LEO1: variants seen among roughly 807,000 people sequenced by gnomAD.
LEO1 encodes RNA polymerase-associated protein LEO1.
LEO1 carries 34 observed loss-of-function variants against 80.4 expected under a neutral mutation model. That is an observed-to-expected ratio of 0.42 (90% CI 0.32 to 0.56). The LOEUF is 0.56. LEO1 is among the 20% of genes least tolerant of loss of function. LEO1 has a pLI of 0.10. For missense variants in LEO1, 631 were observed against 814.2 expected, an observed-to-expected ratio of 0.77 and a Z score of 2.74; for synonymous variants, 262 against 274.9, an observed-to-expected ratio of 0.95 and a Z score of 0.46.
At chr15:51,964,617 G>A (rs1181581218) in intron 2 of LEO1, among the ~76,000 whole-genome samples, 2 of 150,938 alleles carry the variant, frequency 1.3e-5, no homozygotes, top group Non-Finnish European at 2.9e-5. Context: ...AGTCTACACA[G>A]ATCTATATTC....
chr15:51,943,845 G>C (rs2056877693), intron 11 of LEO1, among the ~76,000 whole-genome samples: 1 of 148,960 alleles, frequency 6.7e-6, no homozygotes, highest in Non-Finnish European at 1.5e-5. Context: ...AATGAAATGT[G>C]ACCAGAACAG....
At position 51,953,233 on chromosome 15, in the gene LEO1, A is replaced by T. The variant is rs772735405; in HGVS notation, c.1371T>A (p.Phe457Leu). Reference protein sequence around the residue: ...SMSLHLGNEVFDVYKAPLQGD... With the variant: ...SMSLHLGNEVLDVYKAPLQGD... ...CCTGCAGTGGGGCTTTGTACACATC[A>T]AACACTTCATTGCCTAAATGCAGGG... is the stretch of plus-strand genomic sequence containing the variant. Residue 457 changes from phenylalanine (F) to leucine (L), a missense_variant, in exon 8 of 12, where the codon TTT (phenylalanine) becomes TTA (leucine). By Grantham distance (22) the Phe-to-Leu change is conservative. Coordinates refer to ENST00000299601, the MANE Select transcript of LEO1 (RefSeq NM_138792.4). 4 of 1,614,022 alleles carry T rather than the reference A, an allele frequency of 2.5e-6. No homozygotes were observed. The highest frequency in any genetic ancestry group is 3.4e-6 in the Non-Finnish European group (4 of 1,179,970).
intron 2 of LEO1, 119 bp from the exon 3 acceptor site, chr15:51,962,612 G>A (rs764842322): frequency 7.6e-6 from 5 of 655,656 alleles, no homozygotes; most frequent in Non-Finnish European, 1.0e-5. Context: ...CAGCAATAAA[G>A]AGGAATGAAC....
intron 8 of LEO1, 115 bp from the exon 9 acceptor site, chr15:51,952,094 A>T: frequency 1.2e-6 from 1 of 845,922 alleles, no homozygotes; most frequent in Non-Finnish European, 1.8e-6. Flanking sequence ...ACCTGAAAAA[A>T]TAGGCAGAGA....
chr15:51,959,828 G>A (rs536924037), intron 5 of LEO1, 71 bp downstream of exon 5: 91 of 1,356,744 alleles, frequency 6.7e-5, no homozygotes, highest in Middle Eastern at 5.8e-4. Flanking sequence ...AACTCAATGC[G>A]AAATAAGAAA....
At position 51,966,501 on chromosome 15, in the gene LEO1, G is replaced by C. The variant is rs751161557; in HGVS notation, c.62C>G (p.Ser21Cys). Residue 21 changes from serine (S) to cysteine (C), a missense_variant, in exon 2 of 12, where the codon TCT (serine) becomes TGT (cysteine). Ser to Cys is a moderately radical substitution (Grantham distance 112). Coordinates refer to ENST00000299601, the MANE Select transcript of LEO1 (RefSeq NM_138792.4). Reference protein sequence around the residue: ...DADSEAERKDSDSGSDSDSDQ... With the variant: ...DADSEAERKDCDSGSDSDSDQ... ...AGAATCTGAGTCAGATCCAGAATCA[G>C]AATCTATGGGGTCATATAAACATAG... 15 of 1,552,142 alleles carry C rather than the reference G, an allele frequency of 9.7e-6. No individual in the cohort carries two copies. The highest frequency in any genetic ancestry group is 3.4e-4 in the Middle Eastern group (2 of 5,934).
At chr15:51,951,626 C>T (rs1421831434) in intron 9 of LEO1, among the ~76,000 whole-genome samples, 1 of 152,114 alleles carries the variant, frequency 6.6e-6, no homozygotes, top group African/African-American at 2.4e-5. Context: ...ACTCTCAGGG[C>T]CTGGTGAAGA....
rs375596915 is a variant in LEO1 at position 51,971,707 on chromosome 15, G to C, written c.39C>G (p.Asp13Glu). The C allele has an allele frequency of 3.1e-6, 5 of 1,614,152 alleles. No individual in the cohort carries two copies. Among genetic ancestry groups the C allele is most frequent in the Non-Finnish European group, 4.2e-6 (5 of 1,180,028 alleles). ...DMEDLFGSDA[D>E]SEAERKDSDS... ...ACCCACCTTTACGCTCAGCTTCGCT[G>C]TCGGCGTCGCTCCCGAAGAGATCCT... The change falls in exon 1 of 12, where the codon GAC becomes GAG. Residue 13 changes from aspartate to glutamate, a missense_variant. Coordinates refer to ENST00000299601, the MANE Select transcript of LEO1 (RefSeq NM_138792.4).
In LEO1 at chr15:51,958,831, A is replaced by C; in HGVS notation, c.1161-5T>G. 6.6e-7 allele frequency: 1 copy of C among 1,512,010 alleles called. No homozygotes were observed. The highest frequency in any genetic ancestry group is 9.0e-7 in the Non-Finnish European group (1 of 1,106,914). 93.7% of individuals were successfully genotyped at this position (1,512,010 alleles called of 1,614,324 possible). On this transcript the variant is annotated splice_polypyrimidine_tract_variant and splice_region_variant and intron_variant, in intron 5 of 11. Transcript: ENST00000299601. ...TAATACTGAGGATCAAAAGGTCTAC[A>C]AATTGTTTTCCAAATAAACTATTAA...
At position 51,946,347 on chromosome 15, in the gene LEO1, G is replaced by A. The variant is rs186191635; in HGVS notation, c.1896+945C>T. Among the ~76,000 whole-genome samples, 27 of 151,934 alleles carry A rather than the reference G, an allele frequency of 1.8e-4. 1 individual carries two copies. Among genetic ancestry groups the A allele is most frequent in the East Asian group, 2.0e-4 (1 of 5,106 alleles). ...AGAGTAGCTAGGATTACAGGCATGC[G>A]CCACCACGCCCTGCTAATTTGTATT... On this transcript the variant is annotated intron_variant, in intron 11 of 11. Transcript: ENST00000299601.
In LEO1 at chr15:51,938,120, CAATAA is replaced by C. The variant is rs774535141; in HGVS notation, c.*31_*35del. ...TCATGTTTACATATTTATAACTGTA[CAATAA>C]AATATATAAAATGTTTTCATATTTC... On this transcript the variant is annotated 3_prime_UTR_variant, in exon 12 of 12. Coordinates refer to ENST00000299601, the MANE Select transcript of LEO1 (RefSeq NM_138792.4). 45 of 1,069,164 alleles carry C rather than the reference CAATAA, an allele frequency of 4.2e-5. No individual in the cohort carries two copies. The East Asian group carries it at 1.0e-3, about 24-fold the overall frequency. The allele number at this position is 1,069,164 out of a possible 1,614,324, so 66.2% of individuals were successfully genotyped here.
At chr15:51,939,952 T>C (rs1404858969) in intron 11 of LEO1, among the ~76,000 whole-genome samples, 1 of 152,184 alleles carries the variant, frequency 6.6e-6, no homozygotes, top group Admixed American at 6.5e-5. Context: ...GAAATTCTGC[T>C]TTAGAAAGCC....
intron 11 of LEO1, among the ~76,000 whole-genome samples, chr15:51,943,909 A>G (rs2056878463): frequency 6.6e-6 from 1 of 152,144 alleles, no homozygotes; most frequent in African/African-American, 2.4e-5. Context: ...GACAGAGATT[A>G]TGCAATCTGA....
chr15:51,966,455 A>G lies in LEO1; in HGVS notation c.108T>C (p.Ser36=). ...DSDSDQENAA[S]GSNASGSESD... is the part of the protein sequence containing the mutation. ...TTTCACTTCCAGAGGCATTACTGCC[A>G]GAGGCAGCATTCTCTTGATCAGAAT... The change falls in exon 2 of 12, where the codon TCT becomes TCC. Residue 36 remains serine (S), a synonymous_variant. Transcript: ENST00000299601. The G allele has an allele frequency of 6.2e-7, 1 of 1,613,490 alleles. No individual in the cohort carries two copies. The highest frequency in any genetic ancestry group is 8.5e-7 in the Non-Finnish European group (1 of 1,179,540).
chr15:51,970,402 C>T (rs1431810328), intron 1 of LEO1, among the ~76,000 whole-genome samples: 1 of 152,160 alleles, frequency 6.6e-6, no homozygotes, highest in Non-Finnish European at 1.5e-5. Context: ...CAGGCAAATC[C>T]GCCTGCCGGA....
intron 1 of LEO1, among the ~76,000 whole-genome samples, chr15:51,970,794 G>C (rs556726273): frequency 2.6e-5 from 4 of 152,264 alleles, no homozygotes; most frequent in African/African-American, 7.2e-5. Context: ...CTAGAGGGTT[G>C]CAAGAATTCT....
At chr15:51,948,128 C>T (rs1473985052) in intron 10 of LEO1, among the ~76,000 whole-genome samples, 1 of 152,116 alleles carries the variant, frequency 6.6e-6, no homozygotes, top group Non-Finnish European at 1.5e-5. Flanking sequence ...TGTAGAGGGG[C>T]GCCCATCTGC....
At chr15:51,947,677 A>C (rs1202406168) in intron 10 of LEO1, among the ~76,000 whole-genome samples, 1 of 143,906 alleles carries the variant, frequency 6.9e-6, no homozygotes, top group Non-Finnish European at 1.5e-5. Context: ...CTCCTTCTTC[A>C]GCCCCCTAAA....
intron 6 of LEO1, among the ~76,000 whole-genome samples, chr15:51,955,692 T>TC (rs2056983626): frequency 2.6e-5 from 4 of 152,244 alleles, no homozygotes; most frequent in Admixed American, 2.0e-4. Context: ...CTCTGCCTGT[T>TC]CCCCCAGTGT....
Sources: gnomAD v4.1 joint callset for allele counts (sites outside exome capture counted in the v4.1 genomes callset) on GRCh38, gnomAD v4.1.1 for gene constraint, MANE v1.5 for transcripts, NCBI Gene and HGNC (gene_info 2026-07-23, HGNC 2026-07-21) for gene names.